SCD5: variants seen among roughly 807,000 people sequenced by gnomAD.
SCD5 encodes the protein stearoyl-CoA desaturase 5.
A neutral mutation model predicts 30.4 loss-of-function variants in SCD5; 20 were observed. That is an observed-to-expected ratio of 0.66 (90% CI 0.46 to 0.96). SCD5 has a LOEUF of 0.96. SCD5 is among the 40% of genes least tolerant of loss of function. The probability of loss-of-function intolerance (pLI) is 0.00; values close to 1 mark genes in which losing one functional copy is unlikely to be tolerated. For synonymous variants in SCD5, 173 were observed against 176.4 expected (o/e 0.98, Z 0.16); for missense variants, 381 against 443.3 (o/e 0.86, Z 1.26).
chr4:82,758,997 C>T (rs775865911), intron 1 of SCD5, among the ~76,000 whole-genome samples: 1 of 152,252 alleles, frequency 6.6e-6, no homozygotes, highest in Non-Finnish European at 1.5e-5. Flanking sequence ...CCCAGCGCCC[C>T]GCTGACACCG....
At chr4:82,649,490 T>G (rs1384069701) in intron 3 of SCD5, among the ~76,000 whole-genome samples, 1 of 152,126 alleles carries the variant, frequency 6.6e-6, no homozygotes, top group Non-Finnish European at 1.5e-5. Flanking sequence ...GCAGCAAACA[T>G]TTTTCAGAGG....
intron 3 of SCD5, among the ~76,000 whole-genome samples, chr4:82,637,980 A>G (rs1727467935): frequency 6.6e-6 from 1 of 151,922 alleles, no homozygotes; most frequent in South Asian, 2.1e-4. Flanking sequence ...TCGCCTATTT[A>G]TCCTGATGCT....
chr4:82,749,950 T>C (rs1490643935), intron 1 of SCD5, among the ~76,000 whole-genome samples: 3 of 152,240 alleles, frequency 2.0e-5, no homozygotes, highest in African/African-American at 7.2e-5. Context: ...GGGTAGGAAC[T>C]CTGGAATCAG....
rs1462166072 is a variant in SCD5, at chr4:82,734,907, G to A, written c.233-29494C>T. On this transcript the variant is annotated intron_variant, in intron 1 of 4. Coordinates refer to ENST00000319540, the MANE Select transcript of SCD5 (RefSeq NM_001037582.3). ...AGCCTCCCAGAGTGCTGGGATTACA[G>A]GTGTGTGCCACCATGCCCAGCTAAT... Among the ~76,000 whole-genome samples the A allele has an allele frequency of 2.6e-5, 4 of 152,014 alleles. No homozygotes were observed. The East Asian group carries it at 7.7e-4, about 29-fold the overall frequency.
At chr4:82,712,297 T>TATACATATA (rs1560540874) in intron 1 of SCD5, among the ~76,000 whole-genome samples, 9 of 33,742 alleles carry the variant, frequency 2.7e-4, no homozygotes, top group Non-Finnish European at 4.4e-4. Context: ...TATATATATA[T>TATACATATA]TTTATTTTTA....
chr4:82,746,656 G>A (rs1720987276), intron 1 of SCD5, among the ~76,000 whole-genome samples: 1 of 152,002 alleles, frequency 6.6e-6, no homozygotes, highest in Non-Finnish European at 1.5e-5. Flanking sequence ...CAAGGTAAAG[G>A]CAAGAGACCA....
At chr4:82,747,504 C>T (rs1195950517) in intron 1 of SCD5, among the ~76,000 whole-genome samples, 1 of 152,210 alleles carries the variant, frequency 6.6e-6, no homozygotes, top group African/African-American at 2.4e-5. Flanking sequence ...CTTCTCCAAA[C>T]CTCACTTACG....
chr4:82,649,626 G>A (rs7661056), intron 3 of SCD5, among the ~76,000 whole-genome samples: 115,299 of 151,982 alleles, frequency 0.76, 44,606 homozygotes, highest in East Asian at 0.99. Flanking sequence ...TTCCATGCAA[G>A]GGGCTGTCAG....
At chr4:82,766,299 G>T (rs114706809) in intron 1 of SCD5, among the ~76,000 whole-genome samples, 8 of 151,974 alleles carry the variant, frequency 5.3e-5, no homozygotes, top group Non-Finnish European at 7.4e-5. Flanking sequence ...TTTTCCCTCC[G>T]TGTACTTTTT....
chr4:82,721,131 G>C (rs1385899096), intron 1 of SCD5, among the ~76,000 whole-genome samples: 1 of 152,056 alleles, frequency 6.6e-6, no homozygotes, highest in Non-Finnish European at 1.5e-5. Flanking sequence ...ACTGCATTCC[G>C]GTCTAGGTGA....
intron 1 of SCD5, among the ~76,000 whole-genome samples, chr4:82,740,029 TCAAATATCACCAGCCTC>T (rs1209032756): frequency 3.9e-5 from 6 of 152,136 alleles, no homozygotes; most frequent in African/African-American, 1.4e-4. Flanking sequence ...GACCTGCCCT[TCAAATATCACCAGCCTC>T]CAATGCCATT....
chr4:82,722,101 T>C (rs981870527), intron 1 of SCD5, among the ~76,000 whole-genome samples: 5 of 152,254 alleles, frequency 3.3e-5, no homozygotes, highest in Non-Finnish European at 5.9e-5. Flanking sequence ...AGAGTCAAGC[T>C]GCACCTCTGT....
At chr4:82,655,898 T>A (rs1373297477) in intron 3 of SCD5, among the ~76,000 whole-genome samples, 2 of 152,162 alleles carry the variant, frequency 1.3e-5, no homozygotes, top group African/African-American at 4.8e-5. Flanking sequence ...ATGTCTGCTG[T>A]AAGCCAAGGG....
At chr4:82,790,324 G>C (rs928353987) in intron 1 of SCD5, among the ~76,000 whole-genome samples, 7 of 152,174 alleles carry the variant, frequency 4.6e-5, no homozygotes, top group African/African-American at 1.7e-4. Context: ...ACCAGATGAG[G>C]TCTGCTAAAT....
At chr4:82,661,049 C>T in intron 3 of SCD5, 1 of 1,613,854 alleles carries the variant, frequency 6.2e-7, no homozygotes, top group Non-Finnish European at 8.5e-7. Context: ...TGATTGAGAG[C>T]TCTTCCTTCT....
chr4:82,759,339 C>A (rs747899155), intron 1 of SCD5, among the ~76,000 whole-genome samples: 1 of 152,168 alleles, frequency 6.6e-6, no homozygotes, highest in Non-Finnish European at 1.5e-5. Context: ...GGGCAGGGAG[C>A]GCACCTCCTC....
intron 3 of SCD5, among the ~76,000 whole-genome samples, chr4:82,678,730 AAAATATATG>A (rs1276264869): frequency 1.3e-5 from 2 of 152,210 alleles, no homozygotes; most frequent in Admixed American, 6.5e-5. Flanking sequence ...GCCATCATGC[AAAATATATG>A]AAATAGAAAG....
chr4:82,732,406 A>G (rs1720663364), intron 1 of SCD5, among the ~76,000 whole-genome samples: 1 of 152,158 alleles, frequency 6.6e-6, no homozygotes, highest in African/African-American at 2.4e-5. Flanking sequence ...TACTTTCAAA[A>G]TCATCTGCTG....
At chr4:82,636,512 C>A in intron 4 of SCD5, 79 bp downstream of exon 4, 6 of 1,047,296 alleles carry the variant, frequency 5.7e-6, no homozygotes, top group Non-Finnish European at 8.5e-6. Context: ...CTTCTCTTTA[C>A]TGATTCCACA....
Sources: gnomAD v4.1 joint callset for allele counts (sites outside exome capture counted in the v4.1 genomes callset) on GRCh38, gnomAD v4.1.1 for gene constraint, MANE v1.5 for transcripts, NCBI Gene and HGNC (gene_info 2026-07-23, HGNC 2026-07-21) for gene names.